DGKB: variants seen among roughly 807,000 people sequenced by gnomAD.
The protein encoded by DGKB is diacylglycerol kinase beta.
A neutral mutation model predicts 114.3 loss-of-function variants in DGKB; 67 were observed. The observed-to-expected ratio is 0.59, with a 90% confidence interval of 0.48 to 0.72. The LOEUF (loss-of-function observed/expected upper bound fraction) is 0.72. Ranked by LOEUF, DGKB falls within the 30% of genes least tolerant of loss-of-function variation. The pLI is 0.00. For missense variants in DGKB, 907 were observed against 975.2 expected (o/e 0.93, Z 0.93); for synonymous variants, 398 against 323.1 (o/e 1.23, Z -2.49).
At chr7:14,379,835 G>C (rs1819124889) in intron 21 of DGKB, among the ~76,000 whole-genome samples, 2 of 151,276 alleles carry the variant, frequency 1.3e-5, no homozygotes, top group South Asian at 4.2e-4. Flanking sequence ...TGGGATTACA[G>C]GCGTGAGCGA....
Position 14,694,075 on chromosome 7 carries a change from A to T in DGKB, c.711T>A (p.Asn237Lys), listed in dbSNP as rs1324616982. ...IPLLVLLGLE[N>K]NVKDDGQHVW... ...CACCCTCCTCTGTGGAAATGCTTACATTTTCTAAGCCCAGGAGCACAAGAA... is the reference window on the plus strand; with the variant it reads ...CACCCTCCTCTGTGGAAATGCTTACTTTTTCTAAGCCCAGGAGCACAAGAA... The change falls in exon 9 of 26, where the codon AAT (asparagine) becomes AAA (lysine). Residue 237 changes from asparagine (N) to lysine (K), a missense_variant and splice_region_variant. Physicochemically the swap from Asn to Lys is moderately conservative, Grantham distance 94. This residue lies in a region of DGKB where 814 missense variants were observed against 856.6 expected (regional missense o/e 0.95). Transcript: ENST00000402815. The T allele has an allele frequency of 6.3e-7, 1 of 1,581,268 alleles. No individual in the cohort carries two copies. Among genetic ancestry groups the T allele is most frequent in the Non-Finnish European group, 8.6e-7 (1 of 1,161,548 alleles).
At chr7:14,884,622 A>G (rs1025431290) in intron 1 of DGKB, among the ~76,000 whole-genome samples, 1 of 151,924 alleles carries the variant, frequency 6.6e-6, no homozygotes, top group Admixed American at 6.6e-5. Context: ...CCTGACAAAA[A>G]CATCCCTGAA....
chr7:14,641,375 C>T (rs989588433), intron 13 of DGKB, among the ~76,000 whole-genome samples: 17 of 151,824 alleles, frequency 1.1e-4, no homozygotes, highest in Non-Finnish European at 4.4e-5. Flanking sequence ...TTTGTTGTTG[C>T]TGTTGTTACT....
chr7:14,701,112 AT>A (rs67789277), intron 7 of DGKB, among the ~76,000 whole-genome samples: 60,344 of 151,948 alleles, frequency 0.4, 14,349 homozygotes, highest in East Asian at 0.87. Flanking sequence ...GTATTTTCTT[AT>A]TTTTTATGAC....
intron 13 of DGKB, among the ~76,000 whole-genome samples, chr7:14,647,613 A>T (rs1813321479): frequency 8.5e-6 from 1 of 118,320 alleles, no homozygotes; most frequent in African/African-American, 2.9e-5. Flanking sequence ...TCAACATCAC[A>T]TCAAAAAGAT....
intron 1 of DGKB, among the ~76,000 whole-genome samples, chr7:14,886,203 G>T (rs567954195): frequency 1.3e-4 from 19 of 151,940 alleles, no homozygotes; most frequent in Non-Finnish European, 1.9e-4. Flanking sequence ...AAGATTAAAA[G>T]ATAGAATTTC....
chr7:14,692,971 A>C (rs1336436458), intron 9 of DGKB, among the ~76,000 whole-genome samples: 1 of 152,132 alleles, frequency 6.6e-6, no homozygotes, highest in Non-Finnish European at 1.5e-5. Flanking sequence ...TCCTAAACCC[A>C]TATGTGCCAA....
intron 23 of DGKB, among the ~76,000 whole-genome samples, chr7:14,286,227 C>T (rs1800848941): frequency 6.6e-6 from 1 of 152,088 alleles, no homozygotes; most frequent in South Asian, 2.1e-4. Context: ...GTCAGCCTTG[C>T]CCAGGGCTAT....
At chr7:14,567,467 TTATATATTATATATATTTATATATTA>T in intron 20 of DGKB, among the ~76,000 whole-genome samples, 1 of 74,864 alleles carries the variant, frequency 1.3e-5, no homozygotes, top group Non-Finnish European at 2.3e-5. Context: ...AATTATATAT[TTATATATTATATATATTTATATATTA>T]TATATAATTA....
chr7:14,291,813 C>T (rs1040052363), intron 23 of DGKB, among the ~76,000 whole-genome samples: 4 of 152,240 alleles, frequency 2.6e-5, no homozygotes, highest in South Asian at 2.1e-4. Flanking sequence ...GAACCCTATG[C>T]GGCAAAGATC....
intron 23 of DGKB, among the ~76,000 whole-genome samples, chr7:14,254,588 T>G (rs1396368020): frequency 6.9e-6 from 1 of 144,226 alleles, no homozygotes; most frequent in Non-Finnish European, 1.5e-5. Flanking sequence ...TATTTTAAAC[T>G]GTTGTAATAT....
chr7:14,485,753 A>T (rs1488543333), intron 20 of DGKB, among the ~76,000 whole-genome samples: 2 of 151,516 alleles, frequency 1.3e-5, no homozygotes, highest in Non-Finnish European at 2.9e-5. Context: ...ATACCCGGGC[A>T]TGGTAGTGGG....
chr7:14,659,373 G>A (rs930089314), intron 13 of DGKB, among the ~76,000 whole-genome samples: 2 of 151,970 alleles, frequency 1.3e-5, no homozygotes, highest in African/African-American at 4.8e-5. Flanking sequence ...AGCATGGAAT[G>A]TTCTTCCATT....
intron 23 of DGKB, among the ~76,000 whole-genome samples, chr7:14,229,230 A>G (rs1467289733): frequency 6.6e-6 from 1 of 151,990 alleles, no homozygotes. Flanking sequence ...ATACACTCAT[A>G]TACAGTAATG....
At chr7:14,649,351 A>C (rs1228015507) in intron 13 of DGKB, among the ~76,000 whole-genome samples, 1 of 151,386 alleles carries the variant, frequency 6.6e-6, no homozygotes, top group African/African-American at 2.4e-5. Context: ...CAACATTCTT[A>C]AAGAAAAGAA....
intron 12 of DGKB, 90 bp from the exon 13 acceptor site, chr7:14,673,117 A>G: frequency 1.4e-6 from 1 of 695,008 alleles, no homozygotes; most frequent in Non-Finnish European, 2.5e-6. Flanking sequence ...TACAGCAAAC[A>G]CATTAAAAGT....
chr7:14,694,319 T>C, intron 8 of DGKB, 125 bp from the exon 9 acceptor site: 2 of 828,208 alleles, frequency 2.4e-6, no homozygotes, highest in Non-Finnish European at 3.7e-6. Flanking sequence ...GCTAACTCAG[T>C]ACAACATTAA....
chr7:14,581,899 T>C (rs1799986979), intron 18 of DGKB, among the ~76,000 whole-genome samples: 1 of 152,216 alleles, frequency 6.6e-6, no homozygotes, highest in South Asian at 2.1e-4. Context: ...TCTTCTCAGA[T>C]AAAACATATA....
At chr7:14,270,819 G>A (rs947795882) in intron 23 of DGKB, among the ~76,000 whole-genome samples, 1 of 152,104 alleles carries the variant, frequency 6.6e-6, no homozygotes, top group Non-Finnish European at 1.5e-5. Context: ...TCCTGCCTTC[G>A]AAAGCTTTCT....
Sources: allele counts gnomAD v4.1 joint callset (sites outside exome capture counted in the v4.1 genomes callset), GRCh38; gene constraint gnomAD v4.1.1; regional missense constraint gnomAD v4.1.1; transcripts MANE v1.5; gene names NCBI Gene and HGNC (gene_info 2026-07-23, HGNC 2026-07-21).